KMT2C: variants seen among roughly 807,000 people sequenced by gnomAD.
KMT2C encodes the protein lysine methyltransferase 2C.
Under a neutral mutation model 507.9 loss-of-function variants are expected in KMT2C, and 88 were observed. The observed-to-expected ratio is 0.17, with a 90% confidence interval of 0.15 to 0.21. KMT2C has a LOEUF of 0.21. Among genes scored for constraint, KMT2C ranks in the 10% least tolerant of loss-of-function variants. KMT2C has a pLI of 1.00. For missense variants in KMT2C, 4,954 were observed against 5,957.8 expected (o/e 0.83, Z 5.55); for synonymous variants, 2,049 against 2,080.8 (o/e 0.98, Z 0.42).
chr7:152,358,952 C>T (rs899040553), intron 1 of KMT2C, among the ~76,000 whole-genome samples: 2 of 151,976 alleles, frequency 1.3e-5, no homozygotes, highest in Non-Finnish European at 2.9e-5. Flanking sequence ...TCTGGTTTTG[C>T]CCCTTTTTTA....
chr7:152,147,431 C>A (rs2091215771), intron 52 of KMT2C, among the ~76,000 whole-genome samples: 1 of 152,062 alleles, frequency 6.6e-6, no homozygotes, highest in Non-Finnish European at 1.5e-5. Context: ...CACCTGTAAT[C>A]CCAGCACTTT....
chr7:152,166,608 T>G (rs1276770845), intron 42 of KMT2C, among the ~76,000 whole-genome samples: 1 of 152,328 alleles, frequency 6.6e-6, no homozygotes, highest in East Asian at 1.9e-4. Flanking sequence ...CAAAATGATT[T>G]CATTTTTCTG....
chr7:152,413,366 G>C (rs898627704), intron 1 of KMT2C, among the ~76,000 whole-genome samples: 3 of 152,236 alleles, frequency 2.0e-5, no homozygotes, highest in Middle Eastern at 3.4e-3. Context: ...GCCTGCCTCA[G>C]CCTCCTAAAG....
chr7:152,280,344 C>A (rs77049281), intron 6 of KMT2C, among the ~76,000 whole-genome samples: 1 of 151,796 alleles, frequency 6.6e-6, no homozygotes, highest in Non-Finnish European at 1.5e-5. Flanking sequence ...AGATCAAGAC[C>A]ATCCTGGCTA....
At chr7:152,310,252 G>A (rs1398140634) in intron 5 of KMT2C, among the ~76,000 whole-genome samples, 177 bp from the exon 6 acceptor site, 1 of 152,210 alleles carries the variant, frequency 6.6e-6, no homozygotes, top group Non-Finnish European at 1.5e-5. Context: ...CTGAGTGCCA[G>A]TATCAATATC....
chr7:152,326,813 G>A (rs746772715), intron 3 of KMT2C, among the ~76,000 whole-genome samples: 10 of 152,236 alleles, frequency 6.6e-5, no homozygotes, highest in East Asian at 5.8e-4. Flanking sequence ...CCCGGGAGGC[G>A]GAGCCTGCAG....
At chr7:152,279,291 C>A (rs1414359828) in intron 6 of KMT2C, among the ~76,000 whole-genome samples, 1 of 146,506 alleles carries the variant, frequency 6.8e-6, no homozygotes, top group African/African-American at 2.5e-5. Context: ...TCAAAAAAAT[C>A]TCTGAGACGT....
chr7:152,138,920 T>TC lies in KMT2C; in HGVS notation c.14535-17dup, dbSNP rs2090189682. On this transcript the variant is annotated splice_polypyrimidine_tract_variant and intron_variant, in intron 57 of 58. Transcript: ENST00000262189. This position sits in a 1 kb window ranked among gnomAD's most constrained non-coding sequence, Gnocchi z 4.2. ...GTTGATATACCTGCAAGCCACCATG[T>TC]CAGAAAACTGTATTGTAAAACAGCT... 2 of 1,577,898 alleles carry TC rather than the reference T, an allele frequency of 1.3e-6. No homozygotes were observed. Among genetic ancestry groups the TC allele is most frequent in the Non-Finnish European group, 1.7e-6 (2 of 1,147,054 alleles).
intron 6 of KMT2C, among the ~76,000 whole-genome samples, chr7:152,286,420 AAT>A (rs1465227357): frequency 1.0e-3 from 144 of 138,272 alleles, no homozygotes; most frequent in African/African-American, 2.9e-3. Flanking sequence ...GCAGCCAGAG[AAT>A]ATCAAAACAT....
chr7:152,163,197 A>C lies in KMT2C; in HGVS notation c.10380T>G (p.Cys3460Trp), dbSNP rs773308409. 1.9e-6 allele frequency: 3 copies of C among 1,614,204 alleles called. No individual in the cohort carries two copies. The African/African-American group carries it at 4.0e-5, about 22-fold the overall frequency. The change falls in exon 43 of 59, where the codon TGT (cysteine) becomes TGG (tryptophan). Residue 3460 changes from cysteine (C) to tryptophan (W), a missense_variant. This residue lies in a region of KMT2C where 801 missense variants were observed against 751.2 expected (regional missense o/e 1.07). Transcript: ENST00000262189. ...GGGGTCCTAGAGGTTGCATAAAATC[A>C]CAAGGTAAGTCGGAACTGTAGAAGG... is the stretch of plus-strand genomic sequence containing the variant. ...QIPFYSSDLP[C>W]DFMQPLGPLQ...
intron 6 of KMT2C, among the ~76,000 whole-genome samples, chr7:152,290,285 TATATATA>T (rs1209569729): frequency 1.5e-4 from 6 of 38,874 alleles, no homozygotes; most frequent in East Asian, 6.2e-4. Flanking sequence ...TATATATATA[TATATATA>T]TATTTTTTTT....
intron 25 of KMT2C, among the ~76,000 whole-genome samples, chr7:152,204,636 T>TAGATAGATAGATAGATAGAC (rs376481420): frequency 2.7e-4 from 35 of 127,574 alleles, no homozygotes; most frequent in African/African-American, 7.5e-4. Context: ...GATAGATAGA[T>TAGATAGATAGATAGATAGAC]AGACAGACAG....
At chr7:152,180,481 C>CT (rs770404058) in intron 36 of KMT2C, among the ~76,000 whole-genome samples, 3 of 152,116 alleles carry the variant, frequency 2.0e-5, no homozygotes, top group Non-Finnish European at 4.4e-5. Flanking sequence ...CAAAACAAAG[C>CT]TTTAATATTT....
chr7:152,267,862 T>A (rs1483145007), intron 7 of KMT2C, among the ~76,000 whole-genome samples: 1 of 152,128 alleles, frequency 6.6e-6, no homozygotes, highest in Non-Finnish European at 1.5e-5. Context: ...ACTCACTATC[T>A]CGTGGTCATG....
chr7:152,356,894 A>AAATAATAAT (rs1554673242), intron 2 of KMT2C, among the ~76,000 whole-genome samples: 17 of 72,186 alleles, frequency 2.4e-4, no homozygotes, highest in African/African-American at 7.5e-4. Context: ...TCCAACTCAA[A>AAATAATAAT]AAGAATAATA....
In KMT2C at chr7:152,194,471, G is replaced by A. The variant is rs1181388841; in HGVS notation, c.4476C>T (p.Leu1492=). ...PLSEEQLDGI[L]SPELDKMVTD... ...TGACCATTTTGTCTAGTTCAGGACTGAGGATCCCATCTAGCTGTTCTTCAC... is the reference window on the plus strand; with the variant it reads ...TGACCATTTTGTCTAGTTCAGGACTAAGGATCCCATCTAGCTGTTCTTCAC... The change falls in exon 29 of 59, where the codon CTC becomes CTT. Residue 1492 remains leucine (L), a synonymous_variant. Transcript: ENST00000262189. The A allele has an allele frequency of 1.9e-6, 3 of 1,613,512 alleles. No homozygotes were observed. The highest frequency in any genetic ancestry group is 2.5e-6 in the Non-Finnish European group (3 of 1,179,578).
At chr7:152,212,759 AGCC>A (rs1289150166) in intron 23 of KMT2C, among the ~76,000 whole-genome samples, 18 of 152,358 alleles carry the variant, frequency 1.2e-4, no homozygotes, top group Admixed American at 5.2e-4. Context: ...AAAGACACAC[AGCC>A]GGGCATGGTG....
intron 1 of KMT2C, among the ~76,000 whole-genome samples, chr7:152,394,759 CT>C (rs1428383871): frequency 2.6e-5 from 4 of 152,140 alleles, no homozygotes; most frequent in Non-Finnish European, 5.9e-5. Flanking sequence ...ATTTCCCGTG[CT>C]TATGGACTAC....
Position 152,158,973 on chromosome 7 carries a change from T to C in KMT2C, c.11560A>G (p.Thr3854Ala). The change falls in exon 44 of 59, where the codon ACT becomes GCT. Residue 3854 changes from threonine (T) to alanine (A), a missense_variant. Physicochemically the swap from Thr to Ala is moderately conservative, Grantham distance 58. This residue lies in a region of KMT2C where 801 missense variants were observed against 751.2 expected (regional missense o/e 1.07). Coordinates refer to ENST00000262189, the MANE Select transcript of KMT2C (RefSeq NM_170606.3). ...GCTGCTTTCTCACCCGTCCTCTGAGTCCGTTTGCTTCGCTGTTTCTTGGTT... is the reference window on the plus strand; with the variant it reads ...GCTGCTTTCTCACCCGTCCTCTGAGCCCGTTTGCTTCGCTGTTTCTTGGTT... ...SETKKQRSKR[T>A]QRTGEKAAPR... is the part of the protein sequence containing the mutation. 1.2e-6 allele frequency: 2 copies of C among 1,614,202 alleles called. No individual in the cohort carries two copies. Among genetic ancestry groups the C allele is most frequent in the Non-Finnish European group, 1.7e-6 (2 of 1,180,036 alleles).
Sources: allele counts gnomAD v4.1 joint callset (sites outside exome capture counted in the v4.1 genomes callset), GRCh38; gene constraint gnomAD v4.1.1; regional missense constraint gnomAD v4.1.1; non-coding constraint Gnocchi (gnomAD v3.1); transcripts MANE v1.5; gene names NCBI Gene and HGNC (gene_info 2026-07-23, HGNC 2026-07-21).